Variants in RBMS3 observed in about 807,000 individuals in gnomAD.
The protein encoded by RBMS3 is RNA-binding motif, single-stranded-interacting protein 3.
Under a neutral mutation model 66.8 loss-of-function variants are expected in RBMS3, and 27 were observed. The ratio of observed to expected loss-of-function variants is 0.40; its 90% CI spans 0.30 to 0.56. RBMS3 has a LOEUF of 0.56. Among genes scored for constraint, RBMS3 ranks in the 20% least tolerant of loss-of-function variants. RBMS3 has a pLI of 0.40. For missense variants in RBMS3, 513 were observed against 549.5 expected (o/e 0.93, Z 0.66); for synonymous variants, 188 against 183.0 (o/e 1.03, Z -0.22).
intron 1 of RBMS3, among the ~76,000 whole-genome samples, chr3:29,295,914 T>C (rs1295321729): frequency 2.0e-5 from 3 of 151,772 alleles, no homozygotes; most frequent in Non-Finnish European, 4.4e-5. Flanking sequence ...ATGAGTTTCG[T>C]ATTACACAAG....
intron 14 of RBMS3, among the ~76,000 whole-genome samples, chr3:29,998,069 A>C (rs1316683065): frequency 6.6e-6 from 1 of 152,218 alleles, no homozygotes; most frequent in Admixed American, 6.5e-5. Flanking sequence ...ACTTCAGCAA[A>C]GTCTCAGGAT....
At chr3:29,313,180 A>G (rs1189484209) in intron 1 of RBMS3, among the ~76,000 whole-genome samples, 1 of 151,760 alleles carries the variant, frequency 6.6e-6, no homozygotes, top group African/African-American at 2.4e-5. Context: ...ATGGCATTTC[A>G]AGTAAGGGTG....
chr3:29,365,462 A>G (rs1402031357), intron 1 of RBMS3, among the ~76,000 whole-genome samples: 1 of 152,162 alleles, frequency 6.6e-6, no homozygotes, highest in African/African-American at 2.4e-5. Flanking sequence ...GGAAAACAAT[A>G]CAACATTACT....
At chr3:29,920,805 C>T (rs1327540998) in intron 10 of RBMS3, among the ~76,000 whole-genome samples, 1 of 144,906 alleles carries the variant, frequency 6.9e-6, no homozygotes, top group Non-Finnish European at 1.5e-5. Context: ...GAAACCCCGT[C>T]TCTACTAAAA....
chr3:29,405,149 A>G (rs1229987466), intron 1 of RBMS3, among the ~76,000 whole-genome samples: 2 of 152,170 alleles, frequency 1.3e-5, no homozygotes, highest in African/African-American at 4.8e-5. Flanking sequence ...TCTTCTCAAA[A>G]GAGAGTTAGA....
intron 1 of RBMS3, among the ~76,000 whole-genome samples, chr3:29,303,639 GA>G (rs1472998191): frequency 6.6e-6 from 1 of 151,954 alleles, no homozygotes; most frequent in Non-Finnish European, 1.5e-5. Flanking sequence ...CATATCAAGA[GA>G]AAAATACATA....
intron 10 of RBMS3, chr3:29,924,643 C>G (rs532051120): frequency 6.6e-6 from 1 of 152,090 alleles, no homozygotes; most frequent in Non-Finnish European, 1.5e-5. Context: ...CAAGACCATC[C>G]TGATCAACAT....
chr3:29,882,874 CT>C (rs1286243353), intron 7 of RBMS3, among the ~76,000 whole-genome samples: 2 of 152,006 alleles, frequency 1.3e-5, no homozygotes, highest in Non-Finnish European at 2.9e-5. Flanking sequence ...AGCTCATCCA[CT>C]TTTTTTCTAA....
chr3:29,346,396 C>CTTTT (rs34803214), intron 1 of RBMS3, among the ~76,000 whole-genome samples: 963 of 60,002 alleles, frequency 0.016, 3 homozygotes, highest in Middle Eastern at 0.032. Context: ...GCAATTCATT[C>CTTTT]TTTTTTTTTT....
Position 29,328,321 on chromosome 3 carries a change from G to A in RBMS3, c.75+46565G>A, listed in dbSNP as rs750415958. 2.7e-3 allele frequency among the ~76,000 whole-genome samples: 407 copies of A among 152,202 alleles called. 2 individuals carry two copies. Among genetic ancestry groups the A allele is most frequent in the African/African-American group, 5.9e-3 (247 of 41,544 alleles). On this transcript the variant is annotated intron_variant, in intron 1 of 14. Coordinates refer to ENST00000383767, the MANE Select transcript of RBMS3 (RefSeq NM_001003793.3). ...GTCTGTGAGAACAATTATCTGTTTC[G>A]TTATGTGTTAGAAGTGGTAGATATG...
intron 4 of RBMS3, among the ~76,000 whole-genome samples, chr3:29,589,824 T>G (rs1464801065): frequency 6.6e-6 from 1 of 152,086 alleles, no homozygotes; most frequent in Non-Finnish European, 1.5e-5. Flanking sequence ...GGTTGTGGTG[T>G]CACATTTAGT....
intron 1 of RBMS3, among the ~76,000 whole-genome samples, chr3:29,417,168 A>T (rs10222602): frequency 5.3e-5 from 8 of 151,844 alleles, no homozygotes; most frequent in Middle Eastern, 3.4e-3. Context: ...TTTTATTTTC[A>T]TGTTGTTCTT....
chr3:29,387,044 CTTGA>C (rs2039040867), intron 1 of RBMS3, among the ~76,000 whole-genome samples: 1 of 152,200 alleles, frequency 6.6e-6, no homozygotes, highest in Non-Finnish European at 1.5e-5. Flanking sequence ...ATCTCGCCAG[CTTGA>C]TTTCCCTTAT....
rs1699764524 is a variant in RBMS3 at position 30,004,947 on chromosome 3, A to AG, written c.*1085_*1086insG. 1 of 151,224 alleles carries AG rather than the reference A, an allele frequency of 6.6e-6. No homozygotes were observed. The highest frequency in any genetic ancestry group is 1.5e-5 in the Non-Finnish European group (1 of 67,474). 9.4% of individuals were successfully genotyped at this position (151,224 alleles called of 1,614,324 possible). ...GTCAAAAAGTGCAAAAAAAAAAACA[A>AG]AAAAAAAGCAATAGATAGAGAAATT... On this transcript the variant is annotated 3_prime_UTR_variant, in exon 15 of 15. Transcript: ENST00000383767.
At chr3:29,903,495 G>T (rs763918201) in intron 10 of RBMS3, among the ~76,000 whole-genome samples, 1 of 151,898 alleles carries the variant, frequency 6.6e-6, no homozygotes, top group Non-Finnish European at 1.5e-5. Context: ...TTGATGGATT[G>T]CACCAAATAC....
At chr3:29,579,391 T>A (rs2047244407) in intron 3 of RBMS3, among the ~76,000 whole-genome samples, 1 of 152,098 alleles carries the variant, frequency 6.6e-6, no homozygotes, top group Non-Finnish European at 1.5e-5. Flanking sequence ...TACACTGAGG[T>A]CATTACCTCT....
intron 1 of RBMS3, among the ~76,000 whole-genome samples, chr3:29,312,139 C>T (rs1045506931): frequency 5.3e-5 from 8 of 151,780 alleles, no homozygotes; most frequent in Admixed American, 5.3e-4. Context: ...TTCCTGAACC[C>T]ACCCTTTCCT....
At chr3:29,859,858 A>G (rs558217392) in intron 6 of RBMS3, among the ~76,000 whole-genome samples, 1 of 152,288 alleles carries the variant, frequency 6.6e-6, no homozygotes, top group East Asian at 1.9e-4. Flanking sequence ...AGAAATACAT[A>G]CATACATACA....
intron 14 of RBMS3, among the ~76,000 whole-genome samples, chr3:30,000,672 A>AGT (rs2125401002): frequency 6.6e-6 from 1 of 152,306 alleles, no homozygotes; most frequent in South Asian, 2.1e-4. Flanking sequence ...TGATAAAGAA[A>AGT]ATGTGGCATA....
Sources: allele counts gnomAD v4.1 joint callset (sites outside exome capture counted in the v4.1 genomes callset), GRCh38; gene constraint gnomAD v4.1.1; transcripts MANE v1.5; gene names NCBI Gene and HGNC (gene_info 2026-07-23, HGNC 2026-07-21).